KLKB1: variants seen among roughly 807,000 people sequenced by gnomAD.
KLKB1 encodes the protein plasma kallikrein.
A neutral mutation model predicts 73.6 loss-of-function variants in KLKB1; 58 were observed. That is an observed-to-expected ratio of 0.79 (90% CI 0.64 to 0.98). The LOEUF is 0.98. Among genes scored for constraint, KLKB1 ranks in the 50% least tolerant of loss-of-function variants. KLKB1 has a pLI of 0.00. For synonymous variants in KLKB1, 280 were observed against 258.1 expected (o/e 1.08, Z -0.81); for missense variants, 737 against 763.8 (o/e 0.96, Z 0.41).
At chr4:186,255,467 TGAGAC>T (rs1362521627) in intron 12 of KLKB1, among the ~76,000 whole-genome samples, 2 of 152,154 alleles carry the variant, frequency 1.3e-5, no homozygotes, top group Non-Finnish European at 2.9e-5. Context: ...GTCAAGAGGC[TGAGAC>T]AAGAGGATCT....
At chr4:186,257,603 A>G (rs147655117) in intron 14 of KLKB1, among the ~76,000 whole-genome samples, 1,588 of 147,648 alleles carry the variant, frequency 0.011, 48 homozygotes, top group Admixed American at 0.072. Context: ...ACATGCAATA[A>G]TTGTGCTAGA....
intron 6 of KLKB1, among the ~76,000 whole-genome samples, chr4:186,243,493 T>A (rs1738164056): frequency 6.6e-6 from 1 of 152,216 alleles, no homozygotes; most frequent in South Asian, 2.1e-4. Context: ...TGCTCGCTGC[T>A]TTTTTAGCTA....
intron 2 of KLKB1, among the ~76,000 whole-genome samples, chr4:186,217,856 A>C (rs1434686952): frequency 6.6e-6 from 1 of 152,240 alleles, no homozygotes. Context: ...GAGTTGGAGC[A>C]GGCTGCTTAG....
intron 13 of KLKB1, among the ~76,000 whole-genome samples, chr4:186,256,467 C>T (rs1580046346): frequency 6.6e-6 from 1 of 152,290 alleles, no homozygotes; most frequent in East Asian, 1.9e-4. Context: ...GCAGGTGTGT[C>T]GTCTCACTAT....
At chr4:186,242,214 A>C (rs1738091636) in intron 6 of KLKB1, among the ~76,000 whole-genome samples, 1 of 152,064 alleles carries the variant, frequency 6.6e-6, no homozygotes, top group Non-Finnish European at 1.5e-5. Flanking sequence ...TCACAAGGTA[A>C]CGTCATCAGT....
At chr4:186,241,113 C>A (rs1209700495) in intron 6 of KLKB1, among the ~76,000 whole-genome samples, 1 of 152,116 alleles carries the variant, frequency 6.6e-6, no homozygotes, top group South Asian at 2.1e-4. Flanking sequence ...AAGGGCGTGG[C>A]TTTTCACTGA....
rs1738894935 is a variant in KLKB1, at chr4:186,254,761, C to G, written c.1487C>G (p.Thr496Ser). 1.2e-6 allele frequency: 2 copies of G among 1,611,286 alleles called. No individual in the cohort carries two copies. The highest frequency in any genetic ancestry group is 8.5e-7 in the Non-Finnish European group (1 of 1,177,500). The change falls in exon 12 of 15, where the codon ACT becomes AGT. Residue 496 changes from threonine (T) to serine (S), a missense_variant and splice_region_variant. Thr to Ser is a moderately conservative substitution (Grantham distance 58). Coordinates refer to ENST00000264690, the MANE Select transcript of KLKB1 (RefSeq NM_000892.5). ...LIKLQAPLNY[T>S]EFQKPICLPS... ...AAACTCCAGGCTCCTTTGAATTACA[C>G]TGGTATGTAGCATATGTAAGAAGGT... is the stretch of plus-strand genomic sequence containing the variant.
In KLKB1 at chr4:186,250,229, C is replaced by T; in HGVS notation, c.599-14C>T. 6 of 1,613,320 alleles carry T rather than the reference C, an allele frequency of 3.7e-6. No homozygotes were observed. The highest frequency in any genetic ancestry group is 5.1e-6 in the Non-Finnish European group (6 of 1,179,246). Reference sequence around the variant, plus strand: ...TCATTTCCTAAGGAACATCTTCTCTCTGTGAGTTCACAGGTTGCCACATGA... The same window carrying T: ...TCATTTCCTAAGGAACATCTTCTCTTTGTGAGTTCACAGGTTGCCACATGA... On this transcript the variant is annotated splice_polypyrimidine_tract_variant and intron_variant, in intron 6 of 14. Transcript: ENST00000264690.
intron 1 of KLKB1, 29 bp from the exon 2 acceptor site, chr4:186,228,166 G>A (rs745385373): frequency 1.6e-6 from 2 of 1,261,912 alleles, no homozygotes; most frequent in South Asian, 2.4e-5. Flanking sequence ...TCTAAAACCA[G>A]CAGAGTTATG....
intron 6 of KLKB1, among the ~76,000 whole-genome samples, chr4:186,238,781 A>G (rs956765843): frequency 6.6e-6 from 1 of 152,230 alleles, no homozygotes; most frequent in East Asian, 1.9e-4. Context: ...TTAGCCCAGT[A>G]AGACCCAATC....
chr4:186,242,058 C>T (rs1738080294), intron 6 of KLKB1, among the ~76,000 whole-genome samples: 1 of 151,530 alleles, frequency 6.6e-6, no homozygotes, highest in African/African-American at 2.4e-5. Flanking sequence ...AAAAGAGAGT[C>T]AGTGAAGGGA....
At chr4:186,251,708 C>T in intron 9 of KLKB1, 41 bp from the exon 10 acceptor site, 1 of 1,604,862 alleles carries the variant, frequency 6.2e-7, no homozygotes, top group Non-Finnish European at 8.5e-7. Context: ...TTCTCTTTCC[C>T]CCTGTGAAGG....
intron 4 of KLKB1, among the ~76,000 whole-genome samples, chr4:186,236,131 A>T (rs1309192650): frequency 3.0e-5 from 4 of 133,312 alleles, no homozygotes. Context: ...AAAAAAAAAA[A>T]AAGAGCCTAA....
intron 6 of KLKB1, among the ~76,000 whole-genome samples, chr4:186,248,595 A>ATTTTTTTTTTTTTTTT (rs138717531): frequency 1.2e-4 from 14 of 114,918 alleles, no homozygotes; most frequent in East Asian, 2.7e-4. Flanking sequence ...TTGTTTCTGG[A>ATTTTTTTTTTTTTTTT]TTTTTTTTTT....
intron 6 of KLKB1, among the ~76,000 whole-genome samples, chr4:186,242,408 A>G (rs1264807099): frequency 2.0e-5 from 3 of 152,086 alleles, no homozygotes; most frequent in African/African-American, 7.2e-5. Flanking sequence ...GGTGGTATGG[A>G]GAGATAATGG....
Position 186,216,434 on chromosome 4 carries a change from A to G in KLKB1, c.201+7162A>G, listed in dbSNP as rs889206057. On this transcript the variant is annotated intron_variant, in intron 2 of 14. Transcript: ENST00000511608. ...AGTGAGAAGCGTTACGCAGAAAGAC[A>G]AAGAATGGTGAAGAGACAGGAGGTG... Among the ~76,000 whole-genome samples the G allele has an allele frequency of 5.9e-5, 9 of 152,088 alleles. No individual in the cohort carries two copies. In the South Asian group the frequency reaches 6.2e-4, roughly 11 times the overall value.
intron 6 of KLKB1, among the ~76,000 whole-genome samples, chr4:186,243,159 G>C (rs536761257): frequency 2.9e-4 from 44 of 151,826 alleles, no homozygotes; most frequent in Non-Finnish European, 6.0e-4. Flanking sequence ...GTGTAGGGAA[G>C]GGAGGGGGCC....
intron 11 of KLKB1, among the ~76,000 whole-genome samples, chr4:186,253,118 G>A (rs1324717271): frequency 6.6e-6 from 1 of 152,186 alleles, no homozygotes; most frequent in Non-Finnish European, 1.5e-5. Context: ...GGAAGATTAA[G>A]TGACACATTT....
At chr4:186,257,803 C>T (rs978431004) in intron 14 of KLKB1, among the ~76,000 whole-genome samples, 2 of 151,404 alleles carry the variant, frequency 1.3e-5, no homozygotes, top group African/African-American at 4.9e-5. Flanking sequence ...GTCTTGCACA[C>T]ACACAGCACT....
Sources: allele counts gnomAD v4.1 joint callset (sites outside exome capture counted in the v4.1 genomes callset), GRCh38; gene constraint gnomAD v4.1.1; transcripts MANE v1.5; gene names NCBI Gene and HGNC (gene_info 2026-07-23, HGNC 2026-07-21).